PTPN3: variants seen among roughly 807,000 people sequenced by gnomAD.
PTPN3 encodes protein tyrosine phosphatase non-receptor type 3.
In PTPN3, 96 loss-of-function variants were observed where a neutral mutation model predicts 132.7. That is an observed-to-expected ratio of 0.72 (90% CI 0.61 to 0.86). The LOEUF is 0.86. Ranked by LOEUF, PTPN3 falls within the 40% of genes least tolerant of loss-of-function variation. PTPN3 has a pLI of 0.00. For missense variants in PTPN3, 1,125 were observed against 1,159.6 expected (o/e 0.97, Z 0.43); for synonymous variants, 398 against 429.0 (o/e 0.93, Z 0.89).
the PTPN3 span, among the ~76,000 whole-genome samples, chr9:109,506,983 T>A: frequency 6.6e-6 from 1 of 152,396 alleles, no homozygotes; most frequent in African/African-American, 2.4e-5. Context: ...GCATGCCTAA[T>A]ATTTTTTCAG....
At chr9:109,387,776 G>A (rs1452535969) in intron 22 of PTPN3, among the ~76,000 whole-genome samples, 1 of 152,160 alleles carries the variant, frequency 6.6e-6, no homozygotes, top group Non-Finnish European at 1.5e-5. Flanking sequence ...TTCACGTGTA[G>A]TAGCAAAAAA....
chr9:109,455,600 C>T (rs866926017), intron 4 of PTPN3, among the ~76,000 whole-genome samples: 5 of 152,208 alleles, frequency 3.3e-5, no homozygotes, highest in East Asian at 3.8e-4. Flanking sequence ...CAGCGGATGG[C>T]GCTATGACAA....
intron 22 of PTPN3, among the ~76,000 whole-genome samples, chr9:109,388,042 G>A (rs1185417358): frequency 3.3e-5 from 5 of 152,208 alleles, no homozygotes; most frequent in Non-Finnish European, 5.9e-5. Context: ...GCTGGGGAGC[G>A]GGGGTGGACT....
chr9:109,423,992 A>G (rs1424648197), intron 12 of PTPN3, among the ~76,000 whole-genome samples: 1 of 152,210 alleles, frequency 6.6e-6, no homozygotes, highest in Non-Finnish European at 1.5e-5. Context: ...CCTGATCAAA[A>G]TGCTCACAAC....
At chr9:109,486,860 T>C (rs1212766767) in intron 1 of PTPN3, among the ~76,000 whole-genome samples, 1 of 152,104 alleles carries the variant, frequency 6.6e-6, no homozygotes, top group African/African-American at 2.4e-5. Context: ...TCTGATGGTT[T>C]TATAAGGGGC....
chr9:109,528,678 C>T, the PTPN3 span, among the ~76,000 whole-genome samples: 2 of 151,756 alleles, frequency 1.3e-5, no homozygotes, highest in Non-Finnish European at 2.9e-5. Context: ...CACTGAGCTG[C>T]GCTGTTCATG....
chr9:109,402,736 T>C (rs374107516), intron 19 of PTPN3, among the ~76,000 whole-genome samples: 1 of 138,940 alleles, frequency 7.2e-6, no homozygotes, highest in Non-Finnish European at 1.6e-5. Context: ...TTTGCATAAG[T>C]ACATAATTTT....
chr9:109,462,416 T>A (rs1845888794), intron 2 of PTPN3, among the ~76,000 whole-genome samples: 2 of 152,228 alleles, frequency 1.3e-5, no homozygotes, highest in Admixed American at 1.3e-4. Flanking sequence ...TGTCACCCTT[T>A]GCATTCTTGT....
chr9:109,409,040 A>G (rs1460822369), intron 16 of PTPN3, among the ~76,000 whole-genome samples: 1 of 151,736 alleles, frequency 6.6e-6, no homozygotes, highest in African/African-American at 2.4e-5. Flanking sequence ...ACTTTGTCCT[A>G]GAGTAGGGAT....
intron 6 of PTPN3, among the ~76,000 whole-genome samples, chr9:109,446,596 T>C (rs973319829): frequency 6.6e-6 from 1 of 152,110 alleles, no homozygotes. Context: ...CCTAACAAGA[T>C]GGGGTTTGAT....
chr9:109,394,381 T>C (rs577899835), intron 19 of PTPN3, among the ~76,000 whole-genome samples: 1 of 152,176 alleles, frequency 6.6e-6, no homozygotes, highest in Non-Finnish European at 1.5e-5. Flanking sequence ...GATCTGTTGA[T>C]AAATTTGTAA....
chr9:109,485,579 G>T (rs554944125), intron 1 of PTPN3, among the ~76,000 whole-genome samples: 25 of 152,296 alleles, frequency 1.6e-4, no homozygotes, highest in Non-Finnish European at 3.1e-4. Flanking sequence ...CCAGCCCCCA[G>T]ATCCTCGCCC....
chr9:109,501,168 A>G (rs1329543791), upstream of PTPN3, among the ~76,000 whole-genome samples: 1 of 152,212 alleles, frequency 6.6e-6, no homozygotes, highest in African/African-American at 2.4e-5. Flanking sequence ...AACTGCTATT[A>G]TCAAGCTCAA....
chr9:109,477,759 C>T (rs184387192), intron 1 of PTPN3, among the ~76,000 whole-genome samples: 173 of 152,334 alleles, frequency 1.1e-3, no homozygotes, highest in Admixed American at 2.2e-3. Flanking sequence ...GCTCTCCTTC[C>T]GGACCTCAGT....
At position 109,410,414 on chromosome 9, in the gene PTPN3, T is replaced by G; in HGVS notation, c.1315A>C (p.Ser439Arg). Residue 439 changes from serine (S) to arginine (R), a missense_variant and splice_region_variant, in exon 15 of 26, where the codon AGT (serine) becomes CGT (arginine). By Grantham distance (110) the Ser-to-Arg change is moderately radical. Coordinates refer to ENST00000374541, the MANE Select transcript of PTPN3 (RefSeq NM_002829.4). ...TGTGCCGGATTGTTCTCGGATAAAC[T>G]CCTTCATCATGGGGAAGGAGGAGAT... ...VSQNRSPHQE[S>R]LSENNPAQSY... is the part of the protein sequence containing the mutation. The G allele has an allele frequency of 6.2e-7, 1 of 1,613,778 alleles. No individual in the cohort carries two copies.
chr9:109,482,726 T>C (rs1847017444), intron 1 of PTPN3, among the ~76,000 whole-genome samples: 1 of 152,040 alleles, frequency 6.6e-6, no homozygotes, highest in Admixed American at 6.6e-5. Context: ...TCTGCAATGC[T>C]CTGGCCTTTT....
chr9:109,483,521 G>A (rs538649604), intron 1 of PTPN3, among the ~76,000 whole-genome samples: 1 of 152,222 alleles, frequency 6.6e-6, no homozygotes, highest in South Asian at 2.1e-4. Context: ...TTCCATGTGG[G>A]GAGTGCTAAG....
At chr9:109,512,988 T>C in the PTPN3 span, among the ~76,000 whole-genome samples, 1 of 152,164 alleles carries the variant, frequency 6.6e-6, no homozygotes, top group Non-Finnish European at 1.5e-5. Flanking sequence ...TCAAGCTGTG[T>C]ATTATATCTG....
At chr9:109,430,817 T>C (rs1588413286) in intron 10 of PTPN3, among the ~76,000 whole-genome samples, 2 of 152,328 alleles carry the variant, frequency 1.3e-5, no homozygotes, top group East Asian at 3.9e-4. Context: ...CTCCTGCTGC[T>C]CCTCATGCCC....
Sources: allele counts gnomAD v4.1 joint callset (sites outside exome capture counted in the v4.1 genomes callset), GRCh38; gene constraint gnomAD v4.1.1; transcripts MANE v1.5; gene names NCBI Gene and HGNC (gene_info 2026-07-23, HGNC 2026-07-21).